Variants in PRSS38 observed in about 807,000 individuals in gnomAD.
The protein encoded by PRSS38 is serine protease 38, also known as marapsin 2.
In PRSS38, 22 loss-of-function variants were observed where a neutral mutation model predicts 26.8. That is an observed-to-expected ratio of 0.82 (90% CI 0.59 to 1.17). The LOEUF (loss-of-function observed/expected upper bound fraction) is 1.17. PRSS38 is among the 50% of genes most tolerant of loss of function. PRSS38 has a pLI of 0.00. For synonymous variants in PRSS38, 175 were observed against 172.1 expected (o/e 1.02, Z -0.13); for missense variants, 427 against 422.7 (o/e 1.01, Z -0.09).
chr1:227,823,892 T>C (rs775207642), intron 3 of PRSS38, among the ~76,000 whole-genome samples: 8 of 152,216 alleles, frequency 5.3e-5, no homozygotes, highest in Non-Finnish European at 1.0e-4. Flanking sequence ...ATTTTTGTTA[T>C]TGCAAATAGT....
chr1:227,838,757 C>T (rs1239461832), intron 3 of PRSS38, among the ~76,000 whole-genome samples: 1 of 152,188 alleles, frequency 6.6e-6, no homozygotes, highest in Non-Finnish European at 1.5e-5. Flanking sequence ...GTGAAAACTC[C>T]TATTTCTTTG....
At chr1:227,834,532 GGTGGT>G (rs1387294529) in intron 3 of PRSS38, among the ~76,000 whole-genome samples, 1 of 152,120 alleles carries the variant, frequency 6.6e-6, no homozygotes, top group African/African-American at 2.4e-5. Context: ...AGCCGGGCGT[GGTGGT>G]GTGCACCTGT....
chr1:227,835,987 C>T (rs963340081), intron 3 of PRSS38, among the ~76,000 whole-genome samples: 2 of 152,146 alleles, frequency 1.3e-5, no homozygotes, highest in Non-Finnish European at 2.9e-5. Context: ...CTTGCAATCC[C>T]AGCACTTTGG....
intron 2 of PRSS38, 52 bp from the exon 3 acceptor site, chr1:227,817,157 G>A: frequency 6.3e-7 from 1 of 1,580,742 alleles, no homozygotes; most frequent in Non-Finnish European, 8.6e-7. Flanking sequence ...AGGCCTGTGG[G>A]CTGACCACAC....
At chr1:227,824,584 C>A (rs1665045292) in intron 3 of PRSS38, among the ~76,000 whole-genome samples, 2 of 152,090 alleles carry the variant, frequency 1.3e-5, no homozygotes, top group Admixed American at 6.6e-5. Flanking sequence ...GGAATATACC[C>A]AGTAATGAGA....
At chr1:227,833,544 G>A (rs567941519) in intron 3 of PRSS38, among the ~76,000 whole-genome samples, 2 of 151,284 alleles carry the variant, frequency 1.3e-5, no homozygotes, top group African/African-American at 2.4e-5. Flanking sequence ...AAAAAGCAAC[G>A]TTGAAGGACT....
Position 227,844,225 on chromosome 1 carries a change from GT to G in PRSS38, c.584-1244del, listed in dbSNP as rs148512649. Among the ~76,000 whole-genome samples, 23 of 152,314 alleles carry G rather than the reference GT, an allele frequency of 1.5e-4. No homozygotes were observed. The East Asian group carries it at 4.2e-3, about 28-fold the overall frequency. Reference sequence around the variant, plus strand: ...AAGGTTAGTGTTCCTTCAATATGTGGTGGGGATCCTCCCCAGTGAGACCTGG... The same window carrying G: ...AAGGTTAGTGTTCCTTCAATATGTGGGGGGATCCTCCCCAGTGAGACCTGG... On this transcript the variant is annotated intron_variant, in intron 3 of 4. Coordinates refer to ENST00000366757, the Ensembl canonical transcript of PRSS38.
At chr1:227,818,428 C>A (rs1192879872) in intron 3 of PRSS38, among the ~76,000 whole-genome samples, 1 of 151,980 alleles carries the variant, frequency 6.6e-6, no homozygotes, top group African/African-American at 2.4e-5. Context: ...CTGTAAATCC[C>A]AGCACTTTGG....
chr1:227,824,566 T>C (rs1393753333), intron 3 of PRSS38, among the ~76,000 whole-genome samples: 1 of 152,182 alleles, frequency 6.6e-6, no homozygotes, highest in African/African-American at 2.4e-5. Flanking sequence ...ATGATTTATA[T>C]TACTTTGGGA....
At chr1:227,838,795 G>A (rs1020798020) in intron 3 of PRSS38, among the ~76,000 whole-genome samples, 1 of 152,178 alleles carries the variant, frequency 6.6e-6, no homozygotes, top group Non-Finnish European at 1.5e-5. Flanking sequence ...GTGTGTCTAT[G>A]ATAATTGTAA....
In PRSS38 at chr1:227,841,812, G is replaced by A. The variant is rs1469654448; in HGVS notation, c.584-3658G>A. On this transcript the variant is annotated intron_variant, in intron 3 of 4. Coordinates refer to ENST00000366757, the Ensembl canonical transcript of PRSS38. ...TCCTCTCTGCCAGGGCATGTAAGCA[G>A]GCAGTTGTCTTAGTCCATTTGTGTT... 2.6e-5 allele frequency among the ~76,000 whole-genome samples: 4 copies of A among 152,192 alleles called. No individual in the cohort carries two copies. The East Asian group carries it at 5.8e-4, about 22-fold the overall frequency.
rs932464064 is a variant in PRSS38, at chr1:227,825,662, C to T, written c.583+8182C>T. 7.2e-5 allele frequency among the ~76,000 whole-genome samples: 11 copies of T among 152,200 alleles called. No homozygotes were observed. In the East Asian group the frequency reaches 9.6e-4, roughly 13 times the overall value. On this transcript the variant is annotated intron_variant, in intron 3 of 4. Transcript: ENST00000366757. ...TCCTTTTCCCATTGCTTGTTTTTGC[C>T]GGGTTTGTTGAAGATCAGATGATTG...
intron 3 of PRSS38, among the ~76,000 whole-genome samples, chr1:227,837,017 G>T (rs1665246487): frequency 6.6e-6 from 1 of 151,930 alleles, no homozygotes; most frequent in African/African-American, 2.4e-5. Flanking sequence ...TAGTGGCAGG[G>T]TCTTGCTCTG....
chr1:227,829,470 T>G (rs1665120932), intron 3 of PRSS38, among the ~76,000 whole-genome samples: 1 of 152,200 alleles, frequency 6.6e-6, no homozygotes, highest in Non-Finnish European at 1.5e-5. Flanking sequence ...AAAGTGCTTT[T>G]GAGCACTCCC....
At chr1:227,827,110 G>A (rs1376037322) in intron 3 of PRSS38, among the ~76,000 whole-genome samples, 1 of 152,140 alleles carries the variant, frequency 6.6e-6, no homozygotes, top group African/African-American at 2.4e-5. Context: ...TTGCATTGAT[G>A]TTCATCAAGT....
intron 3 of PRSS38, among the ~76,000 whole-genome samples, chr1:227,826,484 C>T (rs563697260): frequency 2.0e-5 from 3 of 152,224 alleles, no homozygotes; most frequent in African/African-American, 4.8e-5. Flanking sequence ...GAGGTTGAGG[C>T]GGGTGGATCA....
intron 3 of PRSS38, 145 bp downstream of exon 3, chr1:227,817,625 G>A (rs1664942821): frequency 1.2e-6 from 1 of 849,638 alleles, no homozygotes; most frequent in African/African-American, 1.7e-5. Flanking sequence ...GTTTGTCAGT[G>A]TGGATATTTT....
At chr1:227,823,952 T>C (rs559437984) in intron 3 of PRSS38, among the ~76,000 whole-genome samples, 15 of 152,244 alleles carry the variant, frequency 9.9e-5, no homozygotes, top group Admixed American at 2.0e-4. Context: ...TGACTTATTT[T>C]CCTTTGGATA....
chr1:227,845,605 T>C (rs773572868), exon 4 of PRSS38: 1 of 1,613,112 alleles, frequency 6.2e-7, no homozygotes, highest in Non-Finnish European at 8.5e-7. Flanking sequence ...GCTAAGACCG[T>C]GTGTGAGGTG....
Sources: gnomAD v4.1 joint callset for allele counts (sites outside exome capture counted in the v4.1 genomes callset) on GRCh38, gnomAD v4.1.1 for gene constraint, MANE v1.5 for transcripts, NCBI Gene and HGNC (gene_info 2026-07-23, HGNC 2026-07-21) for gene names.